Variants in TLL1 observed in about 807,000 individuals in gnomAD.
TLL1 encodes tolloid like 1, also known as tolloid-like protein 1.
TLL1 carries 49 observed loss-of-function variants against 128.2 expected under a neutral mutation model. The observed-to-expected ratio is 0.38, with a 90% confidence interval of 0.30 to 0.48. The LOEUF is 0.48. TLL1 is among the 20% of genes least tolerant of loss of function. The pLI, the probability that TLL1 is intolerant of heterozygous loss-of-function variation, is 0.96. For missense variants in TLL1, 1,123 were observed against 1,242.0 expected (o/e 0.90, Z 1.44); for synonymous variants, 454 against 418.8 (o/e 1.08, Z -1.03).
intron 18 of TLL1, among the ~76,000 whole-genome samples, chr4:166,090,421 C>G (rs1408556398): frequency 6.6e-6 from 1 of 151,914 alleles, no homozygotes; most frequent in Non-Finnish European, 1.5e-5. Context: ...CTAAGTCACA[C>G]AGATGAAAAT....
rs181099633 is a variant in TLL1, at chr4:165,882,653, T to C, written c.169+8580T>C. ...ATTTTTTTTGAGACGGGTTTTGCTCTTGTTGCCCAGGCTGGAGTGCAGTGG... is the reference window on the plus strand; with the variant it reads ...ATTTTTTTTGAGACGGGTTTTGCTCCTGTTGCCCAGGCTGGAGTGCAGTGG... On this transcript the variant is annotated intron_variant, in intron 1 of 20. Transcript: ENST00000061240. Among the ~76,000 whole-genome samples the C allele has an allele frequency of 5.1e-3, 781 of 152,128 alleles. 4 individuals carry two copies. Among genetic ancestry groups the C allele is most frequent in the Non-Finnish European group, 7.4e-3 (503 of 67,982 alleles).
At chr4:165,915,815 A>G (rs1732752948) in intron 1 of TLL1, among the ~76,000 whole-genome samples, 1 of 152,154 alleles carries the variant, frequency 6.6e-6, no homozygotes, top group Admixed American at 6.5e-5. Flanking sequence ...ACCAACCCAT[A>G]GTAGTATTGT....
intron 1 of TLL1, among the ~76,000 whole-genome samples, chr4:165,956,764 G>A (rs187812098): frequency 1.3e-5 from 2 of 152,158 alleles, no homozygotes; most frequent in East Asian, 3.9e-4. Flanking sequence ...GTAAAGATAG[G>A]CATAAGAAAT....
intron 9 of TLL1, among the ~76,000 whole-genome samples, chr4:166,034,170 A>G (rs1305592324): frequency 6.6e-6 from 1 of 152,182 alleles, no homozygotes; most frequent in Non-Finnish European, 1.5e-5. Context: ...ACTTTGAAAA[A>G]TAACTGAAAA....
intron 13 of TLL1, among the ~76,000 whole-genome samples, chr4:166,056,737 T>A (rs1740025228): frequency 6.6e-6 from 1 of 152,160 alleles, no homozygotes; most frequent in African/African-American, 2.4e-5. Context: ...GACTTCAAAT[T>A]CAGAAAAACA....
chr4:165,919,382 C>CAA lies in TLL1; in HGVS notation c.169+45326_169+45327dup, dbSNP rs1163238067. 2.3e-3 allele frequency among the ~76,000 whole-genome samples: 170 copies of CAA among 75,232 alleles called. 2 individuals are homozygous for CAA. The highest frequency in any genetic ancestry group is 8.3e-3 in the Middle Eastern group (1 of 120). The allele number at this position is 75,232 out of a possible 152,430, so 49.4% of individuals were successfully genotyped here. ...TGGGTGACAGAATGAGACCCTGCTT[C>CAA]AAAAAAAAAAAAAAAAAAGAATAAA... On this transcript the variant is annotated intron_variant, in intron 1 of 20. Coordinates refer to ENST00000061240, the MANE Select transcript of TLL1 (RefSeq NM_012464.5).
chr4:165,929,961 T>A (rs1733442296), intron 1 of TLL1, among the ~76,000 whole-genome samples: 1 of 152,226 alleles, frequency 6.6e-6, no homozygotes, highest in Admixed American at 6.5e-5. Flanking sequence ...AAACTCTTTT[T>A]TTTTCCCACC....
intron 6 of TLL1, among the ~76,000 whole-genome samples, chr4:166,006,192 G>T (rs1737419186): frequency 6.6e-6 from 1 of 151,702 alleles, no homozygotes; most frequent in African/African-American, 2.4e-5. Context: ...ATAAGGATTG[G>T]GTTACTCTAA....
At chr4:165,980,190 C>T (rs80139949) in intron 1 of TLL1, among the ~76,000 whole-genome samples, 2,235 of 150,288 alleles carry the variant, frequency 0.015, 74 homozygotes, top group East Asian at 0.14. Flanking sequence ...TGGGCAGACA[C>T]TCTGAGTGTC....
chr4:165,919,780 A>C lies in TLL1; in HGVS notation c.169+45707A>C, dbSNP rs1732964123. The C allele has an allele frequency of 1.5e-5, 7 of 455,902 alleles. 1 individual carries two copies. Among genetic ancestry groups the C allele is most frequent in the Non-Finnish European group, 3.1e-5 (7 of 226,826 alleles). 28.2% of individuals were successfully genotyped at this position (455,902 alleles called of 1,614,324 possible). A position where few individuals can be genotyped will look rare whatever the true frequency, so the allele number is the denominator to read the frequency against. On this transcript the variant is annotated intron_variant, in intron 1 of 20. Transcript: ENST00000061240. ...TGGATGCAGTATTAGTGCCTCTTGC[A>C]GGCCTTGTTTAAAACACTCACTCTG... is the stretch of plus-strand genomic sequence containing the variant.
Position 165,994,519 on chromosome 4 carries a change from G to C in TLL1, c.500G>C (p.Gly167Ala), listed in dbSNP as rs375415609. Residue 167 changes from glycine to alanine, a missense_variant, in exon 4 of 21, where the codon GGA (glycine) becomes GCA (alanine). Gly to Ala is a moderately conservative substitution (Grantham distance 60). Coordinates refer to ENST00000061240, the MANE Select transcript of TLL1 (RefSeq NM_012464.5). Reference protein sequence around the residue: ...WPGGVIPYVIGGNFTGSQRAM... With the variant: ...WPGGVIPYVIAGNFTGSQRAM... ...GGAGGCGTTATTCCTTATGTTATAG[G>C]AGGAAACTTCACTGGTAAGATACTC... 2.5e-6 allele frequency: 4 copies of C among 1,613,958 alleles called. No homozygotes were observed. Among genetic ancestry groups the C allele is most frequent in the Admixed American group, 1.7e-5 (1 of 60,010 alleles).
intron 16 of TLL1, among the ~76,000 whole-genome samples, chr4:166,072,484 CACA>C (rs1740839824): frequency 6.6e-6 from 1 of 151,444 alleles, no homozygotes; most frequent in Admixed American, 6.6e-5. Context: ...TTATTTTTAG[CACA>C]ACAAGAGTAT....
At position 165,947,602 on chromosome 4, in the gene TLL1, T is replaced by C. The variant is rs1734319471; in HGVS notation, c.170-41779T>C. Among the ~76,000 whole-genome samples the C allele has an allele frequency of 2.0e-5, 3 of 152,140 alleles. No individual in the cohort carries two copies. The South Asian group carries it at 6.2e-4, about 32-fold the overall frequency. On this transcript the variant is annotated intron_variant, in intron 1 of 20. Transcript: ENST00000061240. Reference sequence around the variant, plus strand: ...AGAAAAGGCTAACGATATGATTGTATGATTCTTCTCTGAAATCTCAAGAGA... The same window carrying C: ...AGAAAAGGCTAACGATATGATTGTACGATTCTTCTCTGAAATCTCAAGAGA...
chr4:165,986,237 C>T (rs988917852), intron 1 of TLL1, among the ~76,000 whole-genome samples: 3 of 152,102 alleles, frequency 2.0e-5, no homozygotes, highest in South Asian at 2.1e-4. Context: ...GATTATAATG[C>T]ATCCTAATAC....
At chr4:166,067,160 T>G (rs28562090) in intron 16 of TLL1, among the ~76,000 whole-genome samples, 51 of 151,846 alleles carry the variant, frequency 3.4e-4, no homozygotes, top group African/African-American at 1.1e-3. Flanking sequence ...GTAACAAACC[T>G]GCACACATCC....
At chr4:166,066,046 G>T (rs1245608044) in intron 16 of TLL1, among the ~76,000 whole-genome samples, 183 bp downstream of exon 16, 2 of 32,478 alleles carry the variant, frequency 6.2e-5, no homozygotes, top group East Asian at 6.8e-4. Flanking sequence ...TTTACAGGTG[G>T]ATGGGAATAA....
At chr4:165,898,463 C>A (rs1339841390) in intron 1 of TLL1, among the ~76,000 whole-genome samples, 1 of 152,094 alleles carries the variant, frequency 6.6e-6, no homozygotes, top group East Asian at 1.9e-4. Context: ...TTATTGAAGG[C>A]CTTCTCTGCA....
chr4:166,077,226 T>C (rs1448693852), intron 17 of TLL1, among the ~76,000 whole-genome samples: 1 of 103,350 alleles, frequency 9.7e-6, no homozygotes, highest in Admixed American at 8.5e-5. Context: ...GTTATTTTAA[T>C]TGTAAAAAAA....
At chr4:165,941,987 G>C (rs189273503) in intron 1 of TLL1, among the ~76,000 whole-genome samples, 61 of 151,928 alleles carry the variant, frequency 4.0e-4, no homozygotes, top group African/African-American at 1.4e-3. Context: ...TTTAAGTTTT[G>C]GATATTAACA....
Sources: allele counts gnomAD v4.1 joint callset (sites outside exome capture counted in the v4.1 genomes callset), GRCh38; gene constraint gnomAD v4.1.1; transcripts MANE v1.5; gene names NCBI Gene and HGNC (gene_info 2026-07-23, HGNC 2026-07-21).